Variants in URB1 observed in about 807,000 individuals in gnomAD.
URB1 encodes nucleolar pre-ribosomal-associated protein 1.
URB1 carries 197 observed loss-of-function variants against 242.3 expected under a neutral mutation model. The observed-to-expected ratio is 0.81, with a 90% confidence interval of 0.72 to 0.91. The LOEUF (loss-of-function observed/expected upper bound fraction) is 0.91. URB1 is among the 40% of genes least tolerant of loss of function. The pLI, the probability that URB1 is intolerant of heterozygous loss-of-function variation, is 0.00. For missense variants in URB1, 2,721 were observed against 2,860.5 expected (o/e 0.95, Z 1.11); for synonymous variants, 1,153 against 1,201.8 (o/e 0.96, Z 0.84).
At position 32,338,756 on chromosome 21, in the gene URB1, C is replaced by A; in HGVS notation, c.4461G>T (p.Pro1487=). ...CCTCTCCGTCAGACGTCAGTAGAGTCGGCAGAAACAGCGAGTGCTGCATGA... is the reference window on the plus strand; with the variant it reads ...CCTCTCCGTCAGACGTCAGTAGAGTAGGCAGAAACAGCGAGTGCTGCATGA... ...VMLMQHSLFL[P]TLLTSDGEES... Residue 1487 remains proline, a synonymous_variant, in exon 26 of 39, where the codon CCG becomes CCT. Coordinates refer to ENST00000382751, the MANE Select transcript of URB1 (RefSeq NM_014825.3). The A allele has an allele frequency of 6.4e-7, 1 of 1,551,596 alleles. No homozygotes were observed. Among genetic ancestry groups the A allele is most frequent in the Non-Finnish European group, 8.7e-7 (1 of 1,146,986 alleles).
rs1295105274 is a variant in URB1 at position 32,353,941 on chromosome 21, T to C, written c.2408A>G (p.Asn803Ser). ...ARNKLLLGTG[N>S]EAAENVVTYL... ...TGACTATACATAGGTACCTGCTTCA[T>C]TGCCTGTCCCAAGGAGCAACTTATT... The change falls in exon 18 of 39, where the codon AAT (asparagine) becomes AGT (serine). Residue 803 changes from asparagine (N) to serine (S), a missense_variant. By Grantham distance (46) the Asn-to-Ser change is conservative (BLOSUM62 1). Transcript: ENST00000382751. The C allele has an allele frequency of 2.3e-5, 36 of 1,551,724 alleles. No individual in the cohort carries two copies. The highest frequency in any genetic ancestry group is 3.1e-5 in the Non-Finnish European group (36 of 1,146,984).
chr21:32,388,238 A>C (rs1017851831), intron 1 of URB1, among the ~76,000 whole-genome samples: 1 of 152,148 alleles, frequency 6.6e-6, no homozygotes, highest in Non-Finnish European at 1.5e-5. Flanking sequence ...TGGGTACCTC[A>C]CCTGTATAAC....
At position 32,316,704 on chromosome 21, in the gene URB1, G is replaced by T; in HGVS notation, c.6396C>A (p.His2132Gln). 2.6e-6 allele frequency: 4 copies of T among 1,551,424 alleles called. No individual in the cohort carries two copies. The highest frequency in any genetic ancestry group is 1.7e-4 in the Middle Eastern group (1 of 5,988). Reference protein sequence around the residue: ...IGWLKSHILPHPVVVADLLKD... With the variant: ...IGWLKSHILPQPVVVADLLKD... ...TAAGGAGGTCAGCCACGACCACAGG[G>T]TGTGGCAAAATATGGCTCTTAAGCC... Residue 2132 changes from histidine (H) to glutamine (Q), a missense_variant, in exon 38 of 39, where the codon CAC becomes CAA. Coordinates refer to ENST00000382751, the MANE Select transcript of URB1 (RefSeq NM_014825.3).
Position 32,343,359 on chromosome 21 carries a change from C to CATCA in URB1, c.4257+1210_4257+1211insTGAT, listed in dbSNP as rs1479362338. The stretch of plus-strand genomic sequence containing the variant: ...CAAAAAGTAAGAAACTACTTATTCC[C>CATCA]ACCACATGGATGAATCTGGAAAGCA... On this transcript the variant is annotated intron_variant, in intron 24 of 38. Coordinates refer to ENST00000382751, the MANE Select transcript of URB1 (RefSeq NM_014825.3). Among the ~76,000 whole-genome samples the CATCA allele has an allele frequency of 7.2e-4, 109 of 152,156 alleles. 2 individuals carry two copies. Among genetic ancestry groups the CATCA allele is most frequent in the African/African-American group, 2.5e-3 (104 of 41,432 alleles).
rs993638225 is a variant in URB1, at chr21:32,342,864, T to C, written c.4258-1340A>G. 4.6e-5 allele frequency among the ~76,000 whole-genome samples: 7 copies of C among 152,252 alleles called. No homozygotes were observed. In the East Asian group the frequency reaches 1.3e-3, roughly 29 times the overall value. On this transcript the variant is annotated intron_variant, in intron 24 of 38. Transcript: ENST00000382751. Reference sequence around the variant, plus strand: ...TGCAAAGATGTTTATCACAGCATTCTTTATCATAATAAAAAACTGGAAAAC... The same window carrying C: ...TGCAAAGATGTTTATCACAGCATTCCTTATCATAATAAAAAACTGGAAAAC...
intron 3 of URB1, 95 bp from the exon 4 acceptor site, chr21:32,383,649 T>G (rs981461130): frequency 7.4e-7 from 1 of 1,342,922 alleles, no homozygotes; most frequent in African/African-American, 1.5e-5. Context: ...CTTGTGTTAT[T>G]TGCTATCCCC....
chr21:32,322,583 C>T lies in URB1; in HGVS notation c.5235G>A (p.Glu1745=). ...AKAALQILKP[E]EHMYLKVSNF... Reference sequence around the variant, plus strand: ...TGCTGACCTTCAGGTACATGTGCTCCTCTGAGAACACAGGCAGTCAGTCAG... The same window carrying T: ...TGCTGACCTTCAGGTACATGTGCTCTTCTGAGAACACAGGCAGTCAGTCAG... Residue 1745 remains glutamate, a splice_region_variant and synonymous_variant, in exon 33 of 39, where the codon GAG becomes GAA. Transcript: ENST00000382751. The T allele has an allele frequency of 3.9e-6, 6 of 1,551,138 alleles. No individual in the cohort carries two copies. Among genetic ancestry groups the T allele is most frequent in the Non-Finnish European group, 5.2e-6 (6 of 1,146,460 alleles).
chr21:32,325,935 T>C (rs887073373), intron 30 of URB1, among the ~76,000 whole-genome samples: 15 of 152,096 alleles, frequency 9.9e-5, no homozygotes, highest in African/African-American at 3.4e-4. Context: ...ACAACACAAG[T>C]CTCACAGAAA....
intron 1 of URB1, 130 bp downstream of exon 1, chr21:32,392,639 C>A: frequency 2.4e-6 from 3 of 1,234,490 alleles, no homozygotes; most frequent in Non-Finnish European, 2.1e-6. Flanking sequence ...CCTCAGTTTT[C>A]TGCAAACCAG....
chr21:32,373,688 TG>T lies in URB1; in HGVS notation c.834del (p.Tyr278Ter). Reference protein sequence around the residue: ...GQLLNHIASLYNWNGITDVNP... With the variant: ...GQLLNHIASLXNWNGITDVNP... ...TTCACATCGGTAATCCCATTCCAGT[TG>T]TACAGCGATGCTATGTGGTTCAATA... On this transcript the variant is annotated frameshift_variant, in exon 7 of 39. Transcript: ENST00000382751. LOFTEE classifies it high-confidence loss of function. 1 of 1,546,684 alleles carries T rather than the reference TG, an allele frequency of 6.5e-7. No individual in the cohort carries two copies. The highest frequency in any genetic ancestry group is 8.7e-7 in the Non-Finnish European group (1 of 1,145,394).
At chr21:32,356,201 T>C (rs1039970601) in intron 15 of URB1, among the ~76,000 whole-genome samples, 1 of 152,110 alleles carries the variant, frequency 6.6e-6, no homozygotes, top group African/African-American at 2.4e-5. Flanking sequence ...GGCAACATAG[T>C]TGAGACTCTG....
At chr21:32,350,659 G>A (rs1433393550) in intron 20 of URB1, 45 bp downstream of exon 20, 11 of 1,536,494 alleles carry the variant, frequency 7.2e-6, no homozygotes, top group Non-Finnish European at 9.7e-6. Context: ...TTAGCTCTCT[G>A]GTGGCAGAGC....
intron 38 of URB1, 125 bp from the exon 39 acceptor site, chr21:32,315,224 C>T (rs1261914995): frequency 1.1e-6 from 1 of 922,536 alleles, no homozygotes; most frequent in Non-Finnish European, 1.5e-6. Context: ...GCCTGGGCAA[C>T]CCAAGGTGAG....
intron 5 of URB1, chr21:32,377,381 T>G (rs147261681): frequency 2.0e-6 from 1 of 495,008 alleles, no homozygotes; most frequent in African/African-American, 2.0e-5. Flanking sequence ...AACATTAAAC[T>G]GTAGTATGTT....
chr21:32,357,231 A>G (rs938190726), intron 15 of URB1, among the ~76,000 whole-genome samples: 2 of 152,056 alleles, frequency 1.3e-5, no homozygotes, highest in Admixed American at 6.5e-5. Context: ...AGAGCCTGAG[A>G]AGGAGGAAAG....
At chr21:32,341,896 C>T (rs1031362944) in intron 24 of URB1, among the ~76,000 whole-genome samples, 3 of 152,126 alleles carry the variant, frequency 2.0e-5, no homozygotes, top group African/African-American at 7.2e-5. Flanking sequence ...CAAGATTAAT[C>T]TTAAAACAAA....
At chr21:32,377,657 C>T (rs915619237) in intron 5 of URB1, among the ~76,000 whole-genome samples, 2 of 152,196 alleles carry the variant, frequency 1.3e-5, no homozygotes, top group Non-Finnish European at 1.5e-5. Flanking sequence ...GTGACCGCCA[C>T]CTGCACTCTC....
intron 5 of URB1, among the ~76,000 whole-genome samples, chr21:32,376,000 A>G (rs1349658395): frequency 6.6e-6 from 1 of 152,166 alleles, no homozygotes; most frequent in Non-Finnish European, 1.5e-5. Flanking sequence ...GAAAGAAAAG[A>G]AATCAAGAGC....
At chr21:32,351,791 G>A (rs1202430271) in intron 19 of URB1, among the ~76,000 whole-genome samples, 2 of 152,222 alleles carry the variant, frequency 1.3e-5, no homozygotes, top group East Asian at 3.9e-4. Context: ...ATAAGTTGCT[G>A]TCTGGCTATC....
Sources: allele counts gnomAD v4.1 joint callset (sites outside exome capture counted in the v4.1 genomes callset), GRCh38; gene constraint gnomAD v4.1.1; transcripts MANE v1.5; gene names NCBI Gene and HGNC (gene_info 2026-07-23, HGNC 2026-07-21).